Variants in RBFOX1 observed in about 807,000 individuals in gnomAD.
RBFOX1 encodes the protein RNA binding fox-1 homolog 1.
RBFOX1 carries 8 observed loss-of-function variants against 57.7 expected under a neutral mutation model. The observed-to-expected ratio is 0.14, with a 90% CI of 0.08 to 0.25. RBFOX1 has a LOEUF of 0.25. Ranked by LOEUF, RBFOX1 falls within the 10% of genes least tolerant of loss-of-function variation. The probability of loss-of-function intolerance (pLI) is 1.00; values close to 1 mark genes in which losing one functional copy is unlikely to be tolerated. For synonymous variants in RBFOX1, 326 were observed against 222.4 expected (o/e 1.47, Z -4.15); for missense variants, 611 against 548.5 (o/e 1.11, Z -1.14).
intron 1 of RBFOX1, among the ~76,000 whole-genome samples, chr16:6,185,815 G>C (rs1045734638): frequency 1.3e-5 from 2 of 152,150 alleles, no homozygotes. Context: ...TGGTTGATGA[G>C]CGTGAGAGTA....
intron 4 of RBFOX1, among the ~76,000 whole-genome samples, chr16:7,347,905 G>C (rs1219680307): frequency 1.3e-5 from 2 of 152,104 alleles, no homozygotes. Flanking sequence ...ATAGCCTTCA[G>C]TGCACCCTAT....
intron 4 of RBFOX1, among the ~76,000 whole-genome samples, chr16:7,222,849 G>C (rs2092829850): frequency 6.6e-6 from 1 of 152,166 alleles, no homozygotes; most frequent in Admixed American, 6.5e-5. Flanking sequence ...CCATTTACAG[G>C]CATTGGTTGG....
At chr16:6,498,506 AT>A (rs2095834800) in intron 2 of RBFOX1, among the ~76,000 whole-genome samples, 1 of 152,150 alleles carries the variant, frequency 6.6e-6, no homozygotes, top group South Asian at 2.1e-4. Context: ...TGGTTCAGCA[AT>A]CAGGCCCTTT....
Position 5,331,621 on chromosome 16 carries a change from C to G in RBFOX1, c.219+91516C>G, listed in dbSNP as rs141454079. Among the ~76,000 whole-genome samples the G allele has an allele frequency of 7.9e-5, 12 of 152,318 alleles. No homozygotes were observed. In the East Asian group the frequency reaches 2.1e-3, roughly 27 times the overall value. On this transcript the variant is annotated intron_variant, in intron 1 of 2. Coordinates refer to the RBFOX1 transcript ENST00000585867. ...CATTGGCCAAAGCCAGTCACATGGC[C>G]AAACAAAAATCAAAGGGTGGAGAAA...
chr16:5,879,432 C>T (rs896954965), intron 4 of RBFOX1, among the ~76,000 whole-genome samples: 1 of 152,144 alleles, frequency 6.6e-6, no homozygotes, highest in African/African-American at 2.4e-5. Context: ...CCAGGTTCAA[C>T]GATTCTCCTG....
chr16:5,637,497 A>G (rs1434219712), intron 3 of RBFOX1, among the ~76,000 whole-genome samples: 1 of 152,216 alleles, frequency 6.6e-6, no homozygotes, highest in East Asian at 1.9e-4. Context: ...TTAGCAAGCT[A>G]ATGTCTATAA....
chr16:7,464,451 C>T (rs997994105), intron 4 of RBFOX1, among the ~76,000 whole-genome samples: 1 of 151,844 alleles, frequency 6.6e-6, no homozygotes, highest in Non-Finnish European at 1.5e-5. Context: ...CAAAATGGAT[C>T]AGGAGGATTT....
At chr16:5,424,880 TTTCTTTCTTTCTTTCTTTCTTTCTTTC>T (rs2067476119) in intron 1 of RBFOX1, among the ~76,000 whole-genome samples, 1 of 12,336 alleles carries the variant, frequency 8.1e-5, no homozygotes, top group Admixed American at 7.8e-4. Context: ...CTTTTTTTTC[TTTCTTTCTTTCTTTCTTTCTTTCTTTC>T]TTTCTTTCTT....
In RBFOX1 at chr16:7,118,140, T is replaced by C. The variant is rs545405241; in HGVS notation, c.27+66042T>C. On this transcript the variant is annotated intron_variant, in intron 4 of 15. Transcript: ENST00000550418. ...AAATGGTAGATCTATTTTTAGCTCT[T>C]TGAGAAATCTGCATACTGTTGCATA... 8.5e-5 allele frequency among the ~76,000 whole-genome samples: 13 copies of C among 152,298 alleles called. No individual in the cohort carries two copies. The East Asian group carries it at 2.1e-3, about 25-fold the overall frequency.
chr16:7,482,404 C>G (rs2064195290), intron 4 of RBFOX1, among the ~76,000 whole-genome samples: 1 of 152,136 alleles, frequency 6.6e-6, no homozygotes, highest in South Asian at 2.1e-4. Flanking sequence ...TGCGTCAGGG[C>G]CAGCTGTAGC....
At chr16:5,359,456 C>A (rs1427468354) in intron 1 of RBFOX1, among the ~76,000 whole-genome samples, 1 of 152,154 alleles carries the variant, frequency 6.6e-6, no homozygotes. Context: ...TCCTTTTCTC[C>A]ACATTTTTGC....
At chr16:7,462,147 T>C (rs2059694328) in intron 4 of RBFOX1, among the ~76,000 whole-genome samples, 2 of 152,204 alleles carry the variant, frequency 1.3e-5, no homozygotes, top group African/African-American at 2.4e-5. Flanking sequence ...TGTGGAGGGC[T>C]CCTGCCCAGC....
chr16:5,589,820 C>T (rs890977443), intron 2 of RBFOX1, among the ~76,000 whole-genome samples: 6 of 152,196 alleles, frequency 3.9e-5, no homozygotes, highest in Non-Finnish European at 5.9e-5. Flanking sequence ...CCCAACTCTA[C>T]GTGACCCCCA....
chr16:7,586,052 G>A (rs1439423539), intron 6 of RBFOX1, among the ~76,000 whole-genome samples: 2 of 152,088 alleles, frequency 1.3e-5, no homozygotes, highest in African/African-American at 2.4e-5. Context: ...AGAAGTGAAT[G>A]GAATGATAGG....
chr16:6,850,529 G>C (rs1344909111), intron 3 of RBFOX1, among the ~76,000 whole-genome samples: 1 of 152,024 alleles, frequency 6.6e-6, no homozygotes, highest in South Asian at 2.1e-4. Context: ...GTTGGAGGAA[G>C]AAACAAGGCC....
intron 10 of RBFOX1, among the ~76,000 whole-genome samples, chr16:7,611,627 G>C (rs1596471285): frequency 1.3e-5 from 2 of 149,796 alleles, no homozygotes; most frequent in African/African-American, 4.9e-5. Context: ...GTAATGTTTT[G>C]ACTCCCCGAG....
chr16:6,536,366 C>G (rs1420059), intron 2 of RBFOX1, among the ~76,000 whole-genome samples: 64,051 of 152,056 alleles, frequency 0.42, 13,846 homozygotes, highest in Non-Finnish European at 0.47. Flanking sequence ...TGAGTAGATT[C>G]AATTGACTCC....
intron 2 of RBFOX1, among the ~76,000 whole-genome samples, chr16:5,589,124 A>T (rs2046926497): frequency 6.6e-6 from 1 of 152,182 alleles, no homozygotes; most frequent in Admixed American, 6.5e-5. Flanking sequence ...GAGATGTTGT[A>T]AAGATGGGTT....
intron 3 of RBFOX1, among the ~76,000 whole-genome samples, chr16:7,045,588 G>T (rs928081480): frequency 1.3e-5 from 2 of 152,068 alleles, no homozygotes; most frequent in Non-Finnish European, 2.9e-5. Context: ...TTGTGCTTTT[G>T]TGAGTCTGGC....
Sources: gnomAD v4.1 joint callset for allele counts (sites outside exome capture counted in the v4.1 genomes callset) on GRCh38, gnomAD v4.1.1 for gene constraint, MANE v1.5 for transcripts, NCBI Gene and HGNC (gene_info 2026-07-23, HGNC 2026-07-21) for gene names.